CTNNA2: variants seen among roughly 807,000 people sequenced by gnomAD.
CTNNA2 encodes catenin alpha 2.
Under a neutral mutation model 101.0 loss-of-function variants are expected in CTNNA2, and 42 were observed. That is an observed-to-expected ratio of 0.42 (90% CI 0.32 to 0.54). CTNNA2 has a LOEUF of 0.54. Ranked by LOEUF, CTNNA2 falls within the 20% of genes least tolerant of loss-of-function variation. The pLI is 0.14. For synonymous variants in CTNNA2, 450 were observed against 456.4 expected, an observed-to-expected ratio of 0.99 and a Z score of 0.18; for missense variants, 871 against 1,223.1, an observed-to-expected ratio of 0.71 and a Z score of 4.29.
At chr2:79,541,915 G>A (rs951479282) in intron 1 of CTNNA2, among the ~76,000 whole-genome samples, 7 of 152,076 alleles carry the variant, frequency 4.6e-5, no homozygotes, top group African/African-American at 9.7e-5. Context: ...GTGAGCCACC[G>A]TGCCTGGCCC....
intron 1 of CTNNA2, among the ~76,000 whole-genome samples, chr2:79,555,462 C>T (rs1003968763): frequency 5.9e-5 from 9 of 152,036 alleles, no homozygotes; most frequent in Non-Finnish European, 7.4e-5. Flanking sequence ...TTACATACTA[C>T]GAATTTAGAA....
At chr2:80,397,391 C>A (rs1678112507) in intron 8 of CTNNA2, among the ~76,000 whole-genome samples, 1 of 152,134 alleles carries the variant, frequency 6.6e-6, no homozygotes, top group African/African-American at 2.4e-5. Context: ...AAGTACCGTA[C>A]CTGATATGGT....
At chr2:79,833,691 C>G (rs889046755) in intron 3 of CTNNA2, among the ~76,000 whole-genome samples, 1 of 152,130 alleles carries the variant, frequency 6.6e-6, no homozygotes, top group African/African-American at 2.4e-5. Context: ...CAAATAGGAA[C>G]CAGTAAAACA....
chr2:79,201,454 C>A (rs1348194126), intron 2 of CTNNA2, among the ~76,000 whole-genome samples: 1 of 147,342 alleles, frequency 6.8e-6, no homozygotes, highest in Non-Finnish European at 1.5e-5. Flanking sequence ...CCTTCCTTCC[C>A]TGTTGGAAAT....
At chr2:80,572,561 A>G (rs1248407117) in intron 12 of CTNNA2, 1 of 152,228 alleles carries the variant, frequency 6.6e-6, no homozygotes, top group South Asian at 2.1e-4. Flanking sequence ...TTGTAATTAT[A>G]TTTAAGAAGA....
chr2:79,945,729 C>A (rs575670934), intron 7 of CTNNA2, among the ~76,000 whole-genome samples: 1 of 152,256 alleles, frequency 6.6e-6, no homozygotes, highest in African/African-American at 2.4e-5. Context: ...AAGTCACAAG[C>A]CATATCCTCT....
chr2:79,207,519 A>G (rs1674115815), intron 2 of CTNNA2, among the ~76,000 whole-genome samples: 1 of 152,172 alleles, frequency 6.6e-6, no homozygotes, highest in Non-Finnish European at 1.5e-5. Context: ...AGCCCAAATT[A>G]CTATTACTTA....
intron 2 of CTNNA2, among the ~76,000 whole-genome samples, chr2:79,279,545 A>G (rs1675305981): frequency 6.6e-6 from 1 of 152,140 alleles, no homozygotes; most frequent in Non-Finnish European, 1.5e-5. Context: ...CATGACCACA[A>G]CAGAAAAGTT....
rs1681284523 is a variant in CTNNA2, at chr2:79,858,107, C to G, written c.393C>G (p.Leu131=). The G allele has an allele frequency of 6.2e-7, 1 of 1,614,016 alleles. No homozygotes were observed. Among genetic ancestry groups the G allele is most frequent in the African/African-American group, 1.3e-5 (1 of 74,908 alleles). ...GTMVRAARAL[L]SAVTRLLILA... Reference sequence around the variant, plus strand: ...TGGTACGGGCGGCAAGGGCTTTGCTCTCCGCGGTGACACGCTTACTCATCC... The same window carrying G: ...TGGTACGGGCGGCAAGGGCTTTGCTGTCCGCGGTGACACGCTTACTCATCC... Residue 131 remains leucine (L), a synonymous_variant, in exon 4 of 19, where the codon CTC becomes CTG. Transcript: ENST00000402739.
At chr2:80,468,427 T>C (rs1469299089) in intron 9 of CTNNA2, among the ~76,000 whole-genome samples, 2 of 150,470 alleles carry the variant, frequency 1.3e-5, no homozygotes, top group Non-Finnish European at 2.9e-5. Context: ...TTTATTTATT[T>C]ATTTTTTTTG....
chr2:79,601,618 T>G (rs143387162), intron 1 of CTNNA2, among the ~76,000 whole-genome samples: 1 of 152,194 alleles, frequency 6.6e-6, no homozygotes, highest in African/African-American at 2.4e-5. Flanking sequence ...CATTTACTAG[T>G]ACAAATATTC....
chr2:80,088,419 T>A (rs1210832734), intron 7 of CTNNA2, among the ~76,000 whole-genome samples: 1 of 152,032 alleles, frequency 6.6e-6, no homozygotes, highest in Non-Finnish European at 1.5e-5. Flanking sequence ...CCAGGCCACC[T>A]TTTAGCCTAA....
intron 7 of CTNNA2, among the ~76,000 whole-genome samples, chr2:80,329,656 G>A (rs1478206662): frequency 6.6e-6 from 1 of 152,148 alleles, no homozygotes; most frequent in East Asian, 1.9e-4. Flanking sequence ...AGATACATTT[G>A]CACTTCCCTC....
At chr2:79,652,238 ATTTT>A (rs201106493) in intron 2 of CTNNA2, among the ~76,000 whole-genome samples, 6 of 144,204 alleles carry the variant, frequency 4.2e-5, no homozygotes, top group African/African-American at 1.5e-4. Flanking sequence ...CTGGGATGTG[ATTTT>A]TTTTTTTTTT....
chr2:80,404,828 A>G (rs1402748651), intron 8 of CTNNA2, among the ~76,000 whole-genome samples: 1 of 152,196 alleles, frequency 6.6e-6, no homozygotes, highest in Non-Finnish European at 1.5e-5. Context: ...TTTACTTGTT[A>G]GAAAATTGAG....
Position 80,302,228 on chromosome 2 carries a change from T to C in CTNNA2, c.1057-90983T>C, listed in dbSNP as rs373219372. 1 of 1,602,170 alleles carries C rather than the reference T, an allele frequency of 6.2e-7. No homozygotes were observed. Among genetic ancestry groups the C allele is most frequent in the Admixed American group, 1.7e-5 (1 of 59,614 alleles). On this transcript the variant is annotated intron_variant, in intron 7 of 18. Coordinates refer to ENST00000402739, the MANE Select transcript of CTNNA2 (RefSeq NM_001282597.3). The surrounding 1 kb of genome is among the most constrained non-coding windows in gnomAD (Gnocchi z 6.4). Reference sequence around the variant, plus strand: ...CTGCCCAGGCGTATTTGGTAGCGCATGGGTTGAGAGCCACTGGGACAATCA... The same window carrying C: ...CTGCCCAGGCGTATTTGGTAGCGCACGGGTTGAGAGCCACTGGGACAATCA...
At chr2:79,503,921 G>A (rs1671356682) in intron 4 of CTNNA2, among the ~76,000 whole-genome samples, 1 of 152,178 alleles carries the variant, frequency 6.6e-6, no homozygotes. Context: ...AGGAGAAGTT[G>A]AGTTGCTGCT....
At chr2:79,413,441 C>T (rs905282291) in intron 4 of CTNNA2, among the ~76,000 whole-genome samples, 2 of 151,930 alleles carry the variant, frequency 1.3e-5, no homozygotes, top group Non-Finnish European at 1.5e-5. Context: ...ATATATACTC[C>T]ATTTTCTTCA....
intron 11 of CTNNA2, among the ~76,000 whole-genome samples, chr2:80,551,044 T>A (rs1241129549): frequency 2.6e-5 from 4 of 152,210 alleles, no homozygotes; most frequent in Non-Finnish European, 5.9e-5. Flanking sequence ...CCTTGATACA[T>A]CTGCTGCAGA....
Sources: gnomAD v4.1 joint callset for allele counts (sites outside exome capture counted in the v4.1 genomes callset) on GRCh38, gnomAD v4.1.1 for gene constraint, Gnocchi (gnomAD v3.1) non-coding constraint, MANE v1.5 for transcripts, NCBI Gene and HGNC (gene_info 2026-07-23, HGNC 2026-07-21) for gene names.